The following VKORC1L1 variants were observed in gnomAD, a reference collection of about 807,000 sequenced individuals.
VKORC1L1 encodes vitamin K epoxide reductase complex subunit 1L1.
VKORC1L1 carries 2 observed loss-of-function variants against 18.9 expected under a neutral mutation model. The ratio of observed to expected loss-of-function variants is 0.11; its 90% CI spans 0.04 to 0.33. The LOEUF is 0.33. VKORC1L1 is among the 10% of genes least tolerant of loss of function. The probability of loss-of-function intolerance (pLI) is 1.00; values close to 1 mark genes in which losing one functional copy is unlikely to be tolerated. For synonymous variants in VKORC1L1, 96 were observed against 100.0 expected, an observed-to-expected ratio of 0.96 and a Z score of 0.24; for missense variants, 123 against 224.1, an observed-to-expected ratio of 0.55 and a Z score of 2.88.
At chr7:65,943,729 A>G (rs1418868728) in intron 1 of VKORC1L1, among the ~76,000 whole-genome samples, 4 of 152,184 alleles carry the variant, frequency 2.6e-5, no homozygotes, top group Non-Finnish European at 5.9e-5. Flanking sequence ...TGGGAGGTAG[A>G]GGTTGCAGTG....
At chr7:65,887,338 A>G (rs187627712) in intron 1 of VKORC1L1, among the ~76,000 whole-genome samples, 2 of 152,234 alleles carry the variant, frequency 1.3e-5, no homozygotes, top group East Asian at 1.9e-4. Context: ...TAAATACATA[A>G]CGTTGATATT....
intron 1 of VKORC1L1, among the ~76,000 whole-genome samples, chr7:65,941,147 T>C (rs1226555645): frequency 2.0e-5 from 3 of 152,252 alleles, no homozygotes; most frequent in Admixed American, 2.0e-4. Context: ...GCTCTCACTC[T>C]GTCACCCAGG....
intron 1 of VKORC1L1, among the ~76,000 whole-genome samples, chr7:65,905,959 A>G (rs1010058816): frequency 2.0e-5 from 3 of 152,074 alleles, no homozygotes; most frequent in Admixed American, 1.3e-4. Flanking sequence ...AAACGTATAC[A>G]TTTATTTTTT....
chr7:65,914,177 G>A (rs1789549725), intron 1 of VKORC1L1, among the ~76,000 whole-genome samples: 1 of 152,070 alleles, frequency 6.6e-6, no homozygotes. Context: ...GAGTGCAGTG[G>A]TGCAATCCTG....
intron 1 of VKORC1L1, among the ~76,000 whole-genome samples, chr7:65,939,248 G>A (rs994804493): frequency 6.6e-6 from 1 of 152,166 alleles, no homozygotes; most frequent in Non-Finnish European, 1.5e-5. Context: ...AAATGGCCAC[G>A]GCTGTGAAGT....
At chr7:65,900,527 G>T (rs1340222053) in intron 1 of VKORC1L1, among the ~76,000 whole-genome samples, 1 of 152,074 alleles carries the variant, frequency 6.6e-6, no homozygotes, top group African/African-American at 2.4e-5. Flanking sequence ...ACATAGCTGG[G>T]CATGGTGGCT....
chr7:65,901,329 G>T lies in VKORC1L1; in HGVS notation c.194+27764G>T, dbSNP rs575567178. 1.6e-4 allele frequency among the ~76,000 whole-genome samples: 24 copies of T among 152,292 alleles called. 2 individuals are homozygous for T. The South Asian group carries it at 4.8e-3, about 30-fold the overall frequency. On this transcript the variant is annotated intron_variant, in intron 1 of 2. Coordinates refer to ENST00000360768, the MANE Select transcript of VKORC1L1 (RefSeq NM_173517.6). Reference sequence around the variant, plus strand: ...GTGAATTATGAGCCAATGCACTCCAGCCTGGGTGAGAGTGAGACCCTATCT... The same window carrying T: ...GTGAATTATGAGCCAATGCACTCCATCCTGGGTGAGAGTGAGACCCTATCT...
At chr7:65,916,407 A>G (rs942127570) in intron 1 of VKORC1L1, among the ~76,000 whole-genome samples, 3 of 152,008 alleles carry the variant, frequency 2.0e-5, no homozygotes, top group Admixed American at 6.6e-5. Flanking sequence ...CCTGACTTCC[A>G]TCGCCTTCGA....
chr7:65,953,040 GC>G (rs1790239636), intron 2 of VKORC1L1, among the ~76,000 whole-genome samples: 2 of 151,622 alleles, frequency 1.3e-5, no homozygotes, highest in Admixed American at 1.3e-4. Context: ...CAAATGATCT[GC>G]CTGCCTTAGC....
intron 1 of VKORC1L1, among the ~76,000 whole-genome samples, chr7:65,947,978 G>A (rs1044119622): frequency 6.6e-5 from 10 of 152,100 alleles, no homozygotes; most frequent in South Asian, 2.1e-4. Flanking sequence ...TGTGATCCAC[G>A]GGCCCGGCCC....
At chr7:65,866,241 ACTG>A in the VKORC1L1 span, among the ~76,000 whole-genome samples, 1 of 152,144 alleles carries the variant, frequency 6.6e-6, no homozygotes, top group Non-Finnish European at 1.5e-5. Flanking sequence ...TTTGAAGACA[ACTG>A]CTTTTAACAC....
chr7:65,939,343 C>T (rs997324333), intron 1 of VKORC1L1, among the ~76,000 whole-genome samples: 3 of 151,992 alleles, frequency 2.0e-5, no homozygotes, highest in Non-Finnish European at 2.9e-5. Flanking sequence ...TGGTGGTGGT[C>T]GTGGAGGTGA....
chr7:65,870,710 T>C (rs1788715964), upstream of VKORC1L1, among the ~76,000 whole-genome samples: 1 of 152,206 alleles, frequency 6.6e-6, no homozygotes, highest in Non-Finnish European at 1.5e-5. Flanking sequence ...TAAAGGAATC[T>C]ATAAGAAGGG....
chr7:65,919,880 ACT>A (rs1221153633), intron 1 of VKORC1L1, among the ~76,000 whole-genome samples: 2 of 151,892 alleles, frequency 1.3e-5, no homozygotes, highest in African/African-American at 4.8e-5. Flanking sequence ...ACACAGTGAA[ACT>A]CTGTCTCTAC....
chr7:65,919,065 G>T (rs929256831), intron 1 of VKORC1L1, among the ~76,000 whole-genome samples: 1 of 152,178 alleles, frequency 6.6e-6, no homozygotes, highest in African/African-American at 2.4e-5. Flanking sequence ...TCCAGCTTGG[G>T]TGACAGAGCG....
chr7:65,907,280 A>C (rs1395239117), intron 1 of VKORC1L1, among the ~76,000 whole-genome samples: 2 of 152,108 alleles, frequency 1.3e-5, no homozygotes, highest in Non-Finnish European at 2.9e-5. Context: ...GTCTCTACTA[A>C]AAATACAAAA....
At chr7:65,931,892 C>T (rs1789864345) in intron 1 of VKORC1L1, among the ~76,000 whole-genome samples, 1 of 151,728 alleles carries the variant, frequency 6.6e-6, no homozygotes, top group Non-Finnish European at 1.5e-5. Flanking sequence ...TCCCTGGCCT[C>T]AGCCTCCTAA....
chr7:65,914,677 T>G (rs773831662), intron 1 of VKORC1L1, among the ~76,000 whole-genome samples: 3 of 152,182 alleles, frequency 2.0e-5, no homozygotes, highest in Non-Finnish European at 4.4e-5. Flanking sequence ...ATTATTTTCA[T>G]TCTTAGAATT....
chr7:65,917,963 G>A (rs1789615368), intron 1 of VKORC1L1, among the ~76,000 whole-genome samples: 1 of 152,154 alleles, frequency 6.6e-6, no homozygotes, highest in Non-Finnish European at 1.5e-5. Flanking sequence ...AACTGGGCAG[G>A]GTCGCGATAG....
Sources: gnomAD v4.1 joint callset for allele counts (sites outside exome capture counted in the v4.1 genomes callset) on GRCh38, gnomAD v4.1.1 for gene constraint, MANE v1.5 for transcripts, NCBI Gene and HGNC (gene_info 2026-07-23, HGNC 2026-07-21) for gene names.